Variants in LRCH3 observed in about 807,000 individuals in gnomAD.
The protein encoded by LRCH3 is DISP complex protein LRCH3.
A neutral mutation model predicts 104.5 loss-of-function variants in LRCH3; 68 were observed. That is an observed-to-expected ratio of 0.65 (90% CI 0.54 to 0.80). The LOEUF (loss-of-function observed/expected upper bound fraction) is 0.80. Ranked by LOEUF, LRCH3 falls within the 30% of genes least tolerant of loss-of-function variation. The pLI, the probability that LRCH3 is intolerant of heterozygous loss-of-function variation, is 0.00. For missense variants in LRCH3, 951 were observed against 953.9 expected (o/e 1.00, Z 0.04); for synonymous variants, 344 against 361.3 (o/e 0.95, Z 0.54).
At chr3:197,880,093 C>T (rs550798606) in intron 20 of LRCH3, among the ~76,000 whole-genome samples, 6 of 150,962 alleles carry the variant, frequency 4.0e-5, no homozygotes, top group Admixed American at 2.0e-4. Flanking sequence ...CTACAGGCGC[C>T]CGCCACCACG....
chr3:197,873,454 G>A (rs191045630), intron 19 of LRCH3, among the ~76,000 whole-genome samples: 105 of 152,240 alleles, frequency 6.9e-4, no homozygotes, highest in African/African-American at 2.4e-3. Flanking sequence ...AGGGAGTGTC[G>A]TGTGGTTCAC....
chr3:197,813,510 ATTTTTTTTTTTTTTTTTTTTTTT>A (rs57062885), intron 1 of LRCH3, among the ~76,000 whole-genome samples: 46 of 66,060 alleles, frequency 7.0e-4, no homozygotes, highest in African/African-American at 2.1e-3. Context: ...GAGGCATATA[ATTTTTTTTTTTTTTTTTTTTTTT>A]TTTTTTTTTT....
intron 1 of LRCH3, among the ~76,000 whole-genome samples, chr3:197,808,508 C>T (rs564342398): frequency 6.6e-6 from 1 of 152,186 alleles, no homozygotes; most frequent in Non-Finnish European, 1.5e-5. Flanking sequence ...CTGCTACAGA[C>T]TCTCTCAGTT....
At chr3:197,860,310 T>G (rs1295517855) in intron 15 of LRCH3, among the ~76,000 whole-genome samples, 4 of 152,200 alleles carry the variant, frequency 2.6e-5, no homozygotes, top group Non-Finnish European at 5.9e-5. Flanking sequence ...AACTTCTAAA[T>G]GACAGTTACT....
At chr3:197,813,155 G>T (rs1733384823) in intron 1 of LRCH3, among the ~76,000 whole-genome samples, 1 of 152,152 alleles carries the variant, frequency 6.6e-6, no homozygotes, top group Admixed American at 6.5e-5. Context: ...CTCTGATAGA[G>T]CCATACAATG....
At chr3:197,868,954 T>G (rs1711683288) in intron 17 of LRCH3, among the ~76,000 whole-genome samples, 1 of 152,238 alleles carries the variant, frequency 6.6e-6, no homozygotes, top group African/African-American at 2.4e-5. Context: ...ATTTGTGTAT[T>G]TTTCTGTGTA....
chr3:197,847,348 A>G (rs1029927875), intron 10 of LRCH3, 61 bp from the exon 11 acceptor site: 66 of 1,418,156 alleles, frequency 4.7e-5, no homozygotes, highest in Non-Finnish European at 6.1e-5. Flanking sequence ...TTTGTTTTTT[A>G]TGTATCTGTT....
chr3:197,843,025 C>T (rs1384725855), intron 10 of LRCH3, among the ~76,000 whole-genome samples: 2 of 149,206 alleles, frequency 1.3e-5, no homozygotes, highest in Non-Finnish European at 3.0e-5. Flanking sequence ...GTGGAGGTTG[C>T]AGTGAGCCGA....
chr3:197,835,897 T>C (rs1361053111), intron 9 of LRCH3, 75 bp downstream of exon 9: 1 of 1,478,978 alleles, frequency 6.8e-7, no homozygotes, highest in Non-Finnish European at 9.2e-7. Context: ...AAAGTTTTGT[T>C]ATATCAGTGA....
chr3:197,832,315 G>A lies in LRCH3; in HGVS notation c.1100G>A (p.Gly367Glu). The change falls in exon 8 of 21, where the codon GGA becomes GAA. Residue 367 changes from glycine (G) to glutamate (E), a missense_variant and splice_region_variant. Gly to Glu is a moderately conservative substitution (Grantham distance 98). Transcript: ENST00000425562. ...GGCAGTTTGGTAGTAACAAACGGCG[G>A]AGGTAAACATAATTCCGGTGACAGC... ...NRGSLVVTNG[G>E]VEHDLDQIDY... 1.9e-6 allele frequency: 3 copies of A among 1,613,266 alleles called. No individual in the cohort carries two copies. Among genetic ancestry groups the A allele is most frequent in the Non-Finnish European group, 2.5e-6 (3 of 1,179,448 alleles).
chr3:197,832,049 G>A, intron 7 of LRCH3, 148 bp from the exon 8 acceptor site: 2 of 674,674 alleles, frequency 3.0e-6, no homozygotes, highest in Non-Finnish European at 4.7e-6. Context: ...CAAGTATTAG[G>A]ATTACAGGCA....
intron 4 of LRCH3, among the ~76,000 whole-genome samples, chr3:197,821,901 T>G (rs1485617216): frequency 6.6e-6 from 1 of 152,202 alleles, no homozygotes; most frequent in Non-Finnish European, 1.5e-5. Flanking sequence ...CTCAAACTCC[T>G]GGGGTCAAGA....
At chr3:197,845,376 C>T (rs1738504131) in intron 10 of LRCH3, among the ~76,000 whole-genome samples, 1 of 147,860 alleles carries the variant, frequency 6.8e-6, no homozygotes, top group Non-Finnish European at 1.5e-5. Flanking sequence ...TGCATTCAAG[C>T]CTGGACAACA....
chr3:197,791,572 G>A, intron 1 of LRCH3, 32 bp downstream of exon 1: 2 of 1,503,222 alleles, frequency 1.3e-6, no homozygotes, highest in Non-Finnish European at 1.8e-6. Context: ...TCTGCCCGTC[G>A]GAGACCCGGC....
chr3:197,833,865 T>G (rs972007442), intron 8 of LRCH3, among the ~76,000 whole-genome samples: 1 of 152,214 alleles, frequency 6.6e-6, no homozygotes, highest in African/African-American at 2.4e-5. Context: ...ATCGTCTTAA[T>G]ATAAACCATT....
intron 12 of LRCH3, among the ~76,000 whole-genome samples, chr3:197,850,052 GAAGAA>G (rs1230668971): frequency 6.6e-6 from 1 of 152,178 alleles, no homozygotes; most frequent in African/African-American, 2.4e-5. Flanking sequence ...ATTTAGCCAG[GAAGAA>G]AAGACTGGAT....
intron 1 of LRCH3, 115 bp downstream of exon 1, chr3:197,791,655 C>T (rs1411114459): frequency 4.1e-6 from 5 of 1,225,774 alleles, no homozygotes; most frequent in Non-Finnish European, 5.4e-6. Flanking sequence ...GCGCCGGGTC[C>T]GGACCCGGGT....
intron 15 of LRCH3, among the ~76,000 whole-genome samples, chr3:197,860,632 A>G (rs1364130481): frequency 1.5e-4 from 23 of 151,876 alleles, no homozygotes; most frequent in Admixed American, 1.5e-3. Context: ...TTGTGGGTAC[A>G]TAGTAAGTGT....
At chr3:197,867,225 C>G (rs1741592036) in intron 17 of LRCH3, among the ~76,000 whole-genome samples, 1 of 151,892 alleles carries the variant, frequency 6.6e-6, no homozygotes, top group Admixed American at 6.6e-5. Flanking sequence ...TGCAGTGAGC[C>G]AAGATGGCGC....
Sources: allele counts gnomAD v4.1 joint callset (sites outside exome capture counted in the v4.1 genomes callset), GRCh38; gene constraint gnomAD v4.1.1; transcripts MANE v1.5; gene names NCBI Gene and HGNC (gene_info 2026-07-23, HGNC 2026-07-21).